AGO2: variants seen among roughly 807,000 people sequenced by gnomAD.
AGO2 encodes argonaute RISC catalytic component 2, also known as protein argonaute-2.
AGO2 carries 5 observed loss-of-function variants against 102.3 expected under a neutral mutation model. That is an observed-to-expected ratio of 0.05 (90% CI 0.03 to 0.10). The LOEUF is 0.10. AGO2 is among the 10% of genes least tolerant of loss of function. AGO2 has a pLI of 1.00. For missense variants in AGO2, 541 were observed against 1,183.7 expected, an observed-to-expected ratio of 0.46 and a Z score of 7.97; for synonymous variants, 449 against 473.1, an observed-to-expected ratio of 0.95 and a Z score of 0.66.
At position 140,540,254 on chromosome 8, in the gene AGO2, T is replaced by TG. The variant is rs1406718830; in HGVS notation, c.2035-801dup. ...TTCCGCTCTGGACTGGGAAGGCAAA[T>TG]GGGGGAGGCTGGGCTGCGTGCCATC... On this transcript the variant is annotated intron_variant, in intron 15 of 18. Coordinates refer to ENST00000220592, the MANE Select transcript of AGO2 (RefSeq NM_012154.5). This position sits in a 1 kb window ranked among gnomAD's most constrained non-coding sequence, Gnocchi z 5.0. 1.3e-5 allele frequency among the ~76,000 whole-genome samples: 2 copies of TG among 151,918 alleles called. No homozygotes were observed. Among genetic ancestry groups the TG allele is most frequent in the African/African-American group, 4.8e-5 (2 of 41,364 alleles).
At chr8:140,612,155 G>A (rs191413446) in intron 1 of AGO2, among the ~76,000 whole-genome samples, 7 of 141,262 alleles carry the variant, frequency 5.0e-5, no homozygotes, top group Admixed American at 1.5e-4. Flanking sequence ...CCTGAGAGGC[G>A]GAGGTTGCAG....
rs1245736281 is a variant in AGO2, at chr8:140,525,253, G to C, written c.*6791C>G. 1 of 152,270 alleles carries C rather than the reference G, an allele frequency of 6.6e-6. No homozygotes were observed. The highest frequency in any genetic ancestry group is 2.1e-4 in the South Asian group (1 of 4,834). The allele number at this position is 152,270 out of a possible 1,614,324, so 9.4% of individuals were successfully genotyped here. On this transcript the variant is annotated 3_prime_UTR_variant, in exon 19 of 19. Coordinates refer to ENST00000220592, the MANE Select transcript of AGO2 (RefSeq NM_012154.5). ...GGAGGGCCCAGCGCAGCATTCCGGA[G>C]ATGCGCGTGCAGGAAGCTTGCGGTG...
At chr8:140,620,995 C>T (rs1454386957) in intron 1 of AGO2, among the ~76,000 whole-genome samples, 1 of 152,192 alleles carries the variant, frequency 6.6e-6, no homozygotes, top group African/African-American at 2.4e-5. Flanking sequence ...CTCACTGCAG[C>T]CTGGACCCCT....
upstream of AGO2, among the ~76,000 whole-genome samples, chr8:140,635,914 G>A (rs1326843242): frequency 6.7e-6 from 1 of 148,682 alleles, no homozygotes; most frequent in East Asian, 2.0e-4. Flanking sequence ...CGAGGGCGGC[G>A]CGGCCCGTGT....
In AGO2 at chr8:140,529,868, C is replaced by T. The variant is rs2072560508; in HGVS notation, c.*2176G>A. On this transcript the variant is annotated 3_prime_UTR_variant, in exon 19 of 19. Transcript: ENST00000220592. ...AGGTGGAAGAAACACACCTTTGAGA[C>T]ACATGGTTCCAGATGATTGTAAAAA... The T allele has an allele frequency of 6.6e-6, 1 of 152,226 alleles. No homozygotes were observed. The highest frequency in any genetic ancestry group is 2.4e-5 in the African/African-American group (1 of 41,462). 9.4% of individuals were successfully genotyped at this position (152,226 alleles called of 1,614,324 possible). A position where few individuals can be genotyped will look rare whatever the true frequency, so the allele number is the denominator to read the frequency against.
At chr8:140,558,456 AAG>A (rs777054216) in intron 7 of AGO2, 27 bp downstream of exon 7, 3 of 1,613,556 alleles carry the variant, frequency 1.9e-6, no homozygotes, top group South Asian at 1.1e-5. Context: ...GGCCCCAGCC[AAG>A]AGAGTCTGAA....
Position 140,544,216 on chromosome 8 carries a change from G to T in AGO2, c.1836C>A (p.Ala612=). The stretch of plus-strand genomic sequence containing the variant: ...ATGGGGAAGCGCTGACACTCACGGC[G>T]GCAATGGAGGGCTTCTTCCCATCCC... ...PAGDGKKPSI[A]AVVGSMDAHP... Residue 612 remains alanine (A), a synonymous_variant, in exon 14 of 19, where the codon GCC becomes GCA. Transcript: ENST00000220592. 6.3e-7 allele frequency: 1 copy of T among 1,585,188 alleles called. No homozygotes were observed. Among genetic ancestry groups the T allele is most frequent in the Non-Finnish European group, 8.5e-7 (1 of 1,170,018 alleles).
intron 16 of AGO2, among the ~76,000 whole-genome samples, chr8:140,538,624 C>T (rs2072739037): frequency 6.6e-6 from 1 of 152,214 alleles, no homozygotes; most frequent in South Asian, 2.1e-4. Flanking sequence ...CACCACCTTC[C>T]AGCCCTGCCA....
At chr8:140,587,187 G>A (rs1204353522) in intron 1 of AGO2, among the ~76,000 whole-genome samples, 1 of 152,162 alleles carries the variant, frequency 6.6e-6, no homozygotes, top group Non-Finnish European at 1.5e-5. Context: ...CACCTGGCAT[G>A]GGAGGCGGGA....
At chr8:140,533,383 C>T (rs1413930679) in intron 17 of AGO2, among the ~76,000 whole-genome samples, 18 of 125,160 alleles carry the variant, frequency 1.4e-4, no homozygotes, top group South Asian at 2.6e-4. Flanking sequence ...AGTGAGACTC[C>T]GTCTCCAAAA....
intron 1 of AGO2, chr8:140,591,787 C>T (rs2073750426): frequency 6.6e-6 from 1 of 152,222 alleles, no homozygotes; most frequent in African/African-American, 2.4e-5. Context: ...AAAACATCCT[C>T]TTTGATCCAC....
rs1588428108 is a variant in AGO2 at position 140,527,855 on chromosome 8, T to C, written c.*4189A>G. The C allele has an allele frequency of 6.6e-6, 1 of 152,368 alleles. No individual in the cohort carries two copies. The highest frequency in any genetic ancestry group is 1.9e-4 in the East Asian group (1 of 5,184). 9.4% of individuals were successfully genotyped at this position (152,368 alleles called of 1,614,324 possible). On this transcript the variant is annotated 3_prime_UTR_variant, in exon 19 of 19. Coordinates refer to ENST00000220592, the MANE Select transcript of AGO2 (RefSeq NM_012154.5). This position sits in a 1 kb window ranked among gnomAD's most constrained non-coding sequence, Gnocchi z 6.0. Reference sequence around the variant, plus strand: ...CTTCTAAAGCTCCTCCTAATGGAACTGCCTTATGTGTAGGAAAATGCCCAT... The same window carrying C: ...CTTCTAAAGCTCCTCCTAATGGAACCGCCTTATGTGTAGGAAAATGCCCAT...
chr8:140,634,249 G>A (rs1220222450), intron 1 of AGO2, among the ~76,000 whole-genome samples: 2 of 152,292 alleles, frequency 1.3e-5, no homozygotes, highest in African/African-American at 4.8e-5. Flanking sequence ...GCAAGGCACA[G>A]AGCCAACAGC....
At chr8:140,635,659 G>GGGCGGA (rs1396033824), upstream of AGO2, 3 of 354,040 alleles carry the variant, frequency 8.5e-6, no homozygotes, top group East Asian at 3.4e-4. Context: ...CCGGGGCGGC[G>GGGCGGA]GGCGGAGGCG....
chr8:140,535,441 C>CT, intron 17 of AGO2, 27 bp downstream of exon 17: 8 of 1,609,692 alleles, frequency 5.0e-6, no homozygotes, highest in Non-Finnish European at 6.8e-6. Context: ...GGCCAAGACT[C>CT]TGTCCGAAGG....
chr8:140,574,794 G>T (rs2073440146), intron 2 of AGO2, among the ~76,000 whole-genome samples: 1 of 152,148 alleles, frequency 6.6e-6, no homozygotes, highest in South Asian at 2.1e-4. Flanking sequence ...GGGTAAGGTG[G>T]GGGCGGGGGA....
At chr8:140,603,767 C>T (rs752509773) in intron 1 of AGO2, among the ~76,000 whole-genome samples, 4 of 152,232 alleles carry the variant, frequency 2.6e-5, no homozygotes, top group Admixed American at 6.5e-5. Context: ...GCTGCTGTGG[C>T]GGACTGGGCT....
chr8:140,636,044 C>T (rs1007998233), upstream of AGO2, among the ~76,000 whole-genome samples: 1 of 151,234 alleles, frequency 6.6e-6, no homozygotes, highest in Non-Finnish European at 1.5e-5. Context: ...GGAGGCCACG[C>T]GCCCCCGCTT....
At position 140,572,952 on chromosome 8, in the gene AGO2, C is replaced by T. The variant is rs955296307; in HGVS notation, c.216-20G>A. 3.8e-6 allele frequency: 6 copies of T among 1,589,662 alleles called. No individual in the cohort carries two copies. The highest frequency in any genetic ancestry group is 3.4e-4 in the Middle Eastern group (2 of 5,968). On this transcript the variant is annotated intron_variant, in intron 2 of 18. Coordinates refer to ENST00000220592, the MANE Select transcript of AGO2 (RefSeq NM_012154.5). ...ATTTCCCTGAAACAAAGACAAAAGT[C>T]GGGCAAAATGTCAATAAAATGGAGA...
Sources: gnomAD v4.1 joint callset for allele counts (sites outside exome capture counted in the v4.1 genomes callset) on GRCh38, gnomAD v4.1.1 for gene constraint, Gnocchi (gnomAD v3.1) non-coding constraint, MANE v1.5 for transcripts, NCBI Gene and HGNC (gene_info 2026-07-23, HGNC 2026-07-21) for gene names.